Variants in PTPN14 observed in about 807,000 individuals in gnomAD.
PTPN14 encodes protein tyrosine phosphatase non-receptor type 14, also known as tyrosine-protein phosphatase non-receptor type 14.
In PTPN14, 53 loss-of-function variants were observed where a neutral mutation model predicts 126.8. The ratio of observed to expected loss-of-function variants is 0.42; its 90% confidence interval spans 0.34 to 0.53. The LOEUF (loss-of-function observed/expected upper bound fraction) is 0.53, where lower values mean the gene tolerates loss of function less well. Ranked by LOEUF, PTPN14 falls within the 20% of genes least tolerant of loss-of-function variation. The pLI, the probability that PTPN14 is intolerant of heterozygous loss-of-function variation, is 0.08. For synonymous variants in PTPN14, 630 were observed against 599.3 expected, an observed-to-expected ratio of 1.05 and a Z score of -0.75; for missense variants, 1,257 against 1,552.9, an observed-to-expected ratio of 0.81 and a Z score of 3.20.
chr1:214,396,280 G>A (rs1413175232), intron 8 of PTPN14, among the ~76,000 whole-genome samples: 1 of 152,130 alleles, frequency 6.6e-6, no homozygotes, highest in African/African-American at 2.4e-5. Context: ...CTATGTCAAG[G>A]ATGGATGAGC....
At chr1:214,465,265 C>A (rs147903117) in intron 1 of PTPN14, among the ~76,000 whole-genome samples, 9 of 152,306 alleles carry the variant, frequency 5.9e-5, no homozygotes, top group Non-Finnish European at 1.3e-4. Context: ...CCAATGTCTA[C>A]GTAACTTCAG....
chr1:214,549,437 T>A (rs1472141226), intron 1 of PTPN14, among the ~76,000 whole-genome samples: 1 of 152,204 alleles, frequency 6.6e-6, no homozygotes, highest in Non-Finnish European at 1.5e-5. Context: ...GAGAAAAGTA[T>A]AACAAACTTA....
At chr1:214,515,063 A>G (rs1571637615) in intron 1 of PTPN14, among the ~76,000 whole-genome samples, 1 of 152,158 alleles carries the variant, frequency 6.6e-6, no homozygotes, top group Admixed American at 6.5e-5. Context: ...CTCCTATTAC[A>G]TCTTCTAAAT....
At chr1:214,404,420 G>C (rs1659114059) in intron 5 of PTPN14, among the ~76,000 whole-genome samples, 1 of 152,146 alleles carries the variant, frequency 6.6e-6, no homozygotes, top group African/African-American at 2.4e-5. Context: ...TCATGTTGTG[G>C]AGTAACAAAG....
chr1:214,508,366 T>C (rs11120346), intron 1 of PTPN14, among the ~76,000 whole-genome samples: 4,656 of 152,328 alleles, frequency 0.031, 121 homozygotes, highest in African/African-American at 0.072. Flanking sequence ...CACAGCATCA[T>C]CACCAGGAGT....
At chr1:214,486,587 A>G (rs1661118727) in intron 1 of PTPN14, among the ~76,000 whole-genome samples, 1 of 152,198 alleles carries the variant, frequency 6.6e-6, no homozygotes, top group African/African-American at 2.4e-5. Context: ...GACAATAGGA[A>G]CAAAGTTGCT....
At position 214,451,872 on chromosome 1, in the gene PTPN14, G is replaced by C. The variant is rs775740161; in HGVS notation, c.277C>G (p.Pro93Ala). The C allele has an allele frequency of 1.9e-6, 3 of 1,614,192 alleles. No individual in the cohort carries two copies. The highest frequency in any genetic ancestry group is 2.5e-6 in the Non-Finnish European group (3 of 1,180,030). The part of the protein sequence containing the change: ...KKHLDKFANE[P>A]LLFFGVMFYV... ...AACATGACTCCAAAGAAAAGCAAAG[G>C]CTCATTAGCGAATTTGTCCAGATGT... The change falls in exon 3 of 19, where the codon CCT (proline) becomes GCT (alanine). Residue 93 changes from proline (P) to alanine (A), a missense_variant. Pro to Ala is a conservative substitution (Grantham distance 27). Transcript: ENST00000366956.
chr1:214,518,340 C>T (rs1374243232), intron 1 of PTPN14, among the ~76,000 whole-genome samples: 1 of 152,226 alleles, frequency 6.6e-6, no homozygotes, highest in African/African-American at 2.4e-5. Flanking sequence ...GATTCAGAAA[C>T]AGCCCTTTTA....
rs544697032 is a variant in PTPN14, at chr1:214,479,407, T to C, written c.-154-14450A>G. ...CAGGCTGGAGTGCAATGGCGTGATC[T>C]TGGCTCACTGCAACCTCTGCCTCCC... On this transcript the variant is annotated intron_variant, in intron 1 of 18. Transcript: ENST00000366956. Among the ~76,000 whole-genome samples the C allele has an allele frequency of 2.0e-5, 3 of 151,588 alleles. No individual in the cohort carries two copies. In the East Asian group the frequency reaches 5.9e-4, roughly 30 times the overall value.
At chr1:214,362,347 GA>G (rs1461250250) in intron 18 of PTPN14, among the ~76,000 whole-genome samples, 1 of 152,234 alleles carries the variant, frequency 6.6e-6, no homozygotes, top group Non-Finnish European at 1.5e-5. Context: ...AATGGGAACA[GA>G]AGTTCTTTTT....
chr1:214,416,409 T>C (rs2102587182), intron 3 of PTPN14, among the ~76,000 whole-genome samples: 1 of 152,364 alleles, frequency 6.6e-6, no homozygotes, highest in South Asian at 2.1e-4. Context: ...CAGTAACCAA[T>C]TAATCTGCCA....
At chr1:214,522,613 AGTT>A (rs747561445) in intron 1 of PTPN14, among the ~76,000 whole-genome samples, 16 of 152,182 alleles carry the variant, frequency 1.1e-4, no homozygotes, top group Non-Finnish European at 2.2e-4. Context: ...CGTAAAAAAC[AGTT>A]AACATTCATT....
At chr1:214,380,505 G>C (rs775600482) in intron 13 of PTPN14, among the ~76,000 whole-genome samples, 2 of 152,192 alleles carry the variant, frequency 1.3e-5, no homozygotes, top group Non-Finnish European at 2.9e-5. Flanking sequence ...ACTACAAGCA[G>C]GGAAGTATCT....
intron 18 of PTPN14, among the ~76,000 whole-genome samples, chr1:214,363,127 A>G (rs1480236819): frequency 1.3e-5 from 2 of 152,240 alleles, no homozygotes; most frequent in East Asian, 1.9e-4. Flanking sequence ...TCAGAGGGCA[A>G]TGACATTTCT....
intron 12 of PTPN14, among the ~76,000 whole-genome samples, chr1:214,386,254 G>A (rs761892716): frequency 2.6e-5 from 4 of 152,138 alleles, no homozygotes; most frequent in African/African-American, 4.8e-5. Flanking sequence ...CTCTATGAAT[G>A]TTAGTTGTTA....
chr1:214,414,635 C>T lies in PTPN14; in HGVS notation c.436G>A (p.Val146Met), dbSNP rs760788549. Residue 146 changes from valine (V) to methionine (M), a missense_variant, in exon 4 of 19, where the codon GTG becomes ATG. Val to Met is a conservative substitution (Grantham distance 21). Around this residue, in one of 3 missense-constraint regions of PTPN14, gnomAD observed 1,021 missense variants for 1,183.3 expected, o/e 0.86. Transcript: ENST00000366956. ...GCTCATAACTATGTCTTACCTTGCA[C>T]AGCTAGGCCGGCTAGCCGAATCACC... ...DQVIRLAGLA[V>M]QADFGDYNQF... The T allele has an allele frequency of 1.2e-5, 20 of 1,613,244 alleles. No homozygotes were observed. In the East Asian group the frequency reaches 3.3e-4, roughly 27 times the overall value.
chr1:214,478,248 A>G (rs1227389692), intron 1 of PTPN14, among the ~76,000 whole-genome samples: 1 of 152,232 alleles, frequency 6.6e-6, no homozygotes, highest in African/African-American at 2.4e-5. Context: ...TACATAGTTC[A>G]AGTACATTTT....
intron 1 of PTPN14, among the ~76,000 whole-genome samples, chr1:214,520,065 A>AAAAAAAAAAAAATATATATATATAT: frequency 8.4e-5 from 6 of 71,096 alleles, no homozygotes; most frequent in South Asian, 6.5e-4. Context: ...AAAAAAAAAA[A>AAAAAAAAAAAAATATATATATATAT]ATATATATAT....
At chr1:214,439,352 T>A (rs1054717621) in intron 3 of PTPN14, among the ~76,000 whole-genome samples, 5 of 152,226 alleles carry the variant, frequency 3.3e-5, no homozygotes, top group Non-Finnish European at 7.3e-5. Flanking sequence ...GTCACTGTCA[T>A]AAACATCTAT....
Sources: allele counts gnomAD v4.1 joint callset (sites outside exome capture counted in the v4.1 genomes callset), GRCh38; gene constraint gnomAD v4.1.1; regional missense constraint gnomAD v4.1.1; transcripts MANE v1.5; gene names NCBI Gene and HGNC (gene_info 2026-07-23, HGNC 2026-07-21).